The following LRP1B variants were observed in gnomAD, a reference collection of about 807,000 sequenced individuals.
LRP1B encodes low-density lipoprotein receptor-related protein 1B.
A neutral mutation model predicts 556.6 loss-of-function variants in LRP1B; 217 were observed. That is an observed-to-expected ratio of 0.39 (90% confidence interval 0.35 to 0.44). The LOEUF (loss-of-function observed/expected upper bound fraction) is 0.44, where lower values mean the gene tolerates loss of function less well. Ranked by LOEUF, LRP1B falls within the 20% of genes least tolerant of loss-of-function variation. The pLI is 1.00. For synonymous variants in LRP1B, 2,047 were observed against 1,865.8 expected (o/e 1.10, Z -2.50); for missense variants, 5,053 against 5,620.8 (o/e 0.90, Z 3.23).
chr2:141,895,048 C>CAAA lies in LRP1B; in HGVS notation c.83-84650_83-84648dup, dbSNP rs369108197. ...TGGCAACAAGAATGAAACTCCATCTCAAAAAAAAAAAAAAAAAAGAAAAGA... is the reference window on the plus strand; with the variant it reads ...TGGCAACAAGAATGAAACTCCATCTCAAAAAAAAAAAAAAAAAAAAAGAAAAGA... On this transcript the variant is annotated intron_variant, in intron 1 of 90. Transcript: ENST00000389484. 3.4e-3 allele frequency among the ~76,000 whole-genome samples: 264 copies of CAAA among 78,476 alleles called. 1 individual carries two copies. The highest frequency in any genetic ancestry group is 0.013 in the African/African-American group (240 of 18,690). 51.5% of individuals were successfully genotyped at this position (78,476 alleles called of 152,430 possible).
chr2:140,820,912 T>TAAAA (rs5834782), intron 31 of LRP1B, among the ~76,000 whole-genome samples: 2 of 143,698 alleles, frequency 1.4e-5, no homozygotes, highest in African/African-American at 5.2e-5. Context: ...GTTGCTTCTT[T>TAAAA]AAAAAAAAAA....
At chr2:140,416,011 C>T (rs974440083) in intron 66 of LRP1B, among the ~76,000 whole-genome samples, 8 of 152,130 alleles carry the variant, frequency 5.3e-5, no homozygotes, top group Non-Finnish European at 1.2e-4. Flanking sequence ...GGTCCCCAAC[C>T]CCTGGGCCAT....
At chr2:141,160,685 ATT>A (rs1679986051) in intron 7 of LRP1B, among the ~76,000 whole-genome samples, 1 of 152,112 alleles carries the variant, frequency 6.6e-6, no homozygotes, top group African/African-American at 2.4e-5. Flanking sequence ...AACTATACTT[ATT>A]AAATACTCTT....
chr2:142,074,382 C>T (rs1252792394), intron 1 of LRP1B, among the ~76,000 whole-genome samples: 1 of 151,986 alleles, frequency 6.6e-6, no homozygotes, highest in African/African-American at 2.4e-5. Flanking sequence ...TCCACTGACC[C>T]CAAGATGATG....
intron 1 of LRP1B, among the ~76,000 whole-genome samples, chr2:142,115,507 T>A (rs1386256869): frequency 9.1e-5 from 8 of 88,130 alleles, no homozygotes; most frequent in Non-Finnish European, 1.8e-4. Context: ...ATAATATATA[T>A]TATATATTAC....
intron 66 of LRP1B, among the ~76,000 whole-genome samples, chr2:140,408,858 G>C (rs1363501167): frequency 6.6e-6 from 1 of 151,824 alleles, no homozygotes; most frequent in Non-Finnish European, 1.5e-5. Context: ...AATGTTTAAG[G>C]AACAGTGTTG....
intron 2 of LRP1B, among the ~76,000 whole-genome samples, chr2:141,663,006 T>A (rs909666160): frequency 1.3e-5 from 2 of 151,434 alleles, no homozygotes; most frequent in Admixed American, 1.3e-4. Flanking sequence ...CACAGTGCAA[T>A]CAAATTAAAA....
At chr2:141,569,572 G>A (rs1347252663) in intron 2 of LRP1B, among the ~76,000 whole-genome samples, 2 of 151,054 alleles carry the variant, frequency 1.3e-5, no homozygotes, top group Admixed American at 1.3e-4. Context: ...ATTATTTGAT[G>A]TAACAATGCC....
At chr2:141,361,342 C>T (rs1688819311) in intron 3 of LRP1B, among the ~76,000 whole-genome samples, 1 of 152,026 alleles carries the variant, frequency 6.6e-6, no homozygotes, top group Non-Finnish European at 1.5e-5. Flanking sequence ...AAACTGATAT[C>T]CATTTCTACT....
At position 141,730,943 on chromosome 2, in the gene LRP1B, G is replaced by A. The variant is rs190047598; in HGVS notation, c.205+79336C>T. 8.5e-5 allele frequency among the ~76,000 whole-genome samples: 13 copies of A among 152,222 alleles called. No individual in the cohort carries two copies. The East Asian group carries it at 2.5e-3, about 30-fold the overall frequency. ...TACTCCTAAAGGGGCCAGTCTTTAC[G>A]TTATCATCTAATAGCCAATCCGGAA... On this transcript the variant is annotated intron_variant, in intron 2 of 90. Transcript: ENST00000389484.
intron 88 of LRP1B, 56 bp from the exon 89 acceptor site, chr2:140,238,352 C>T (rs2104882280): frequency 1.2e-6 from 1 of 851,506 alleles, no homozygotes; most frequent in African/African-American, 1.8e-5. Context: ...ACAATCAAGG[C>T]ATATGAAATT....
intron 43 of LRP1B, among the ~76,000 whole-genome samples, chr2:140,593,774 GA>G (rs1204624144): frequency 6.6e-6 from 1 of 151,836 alleles, no homozygotes; most frequent in Non-Finnish European, 1.5e-5. Flanking sequence ...TTAAACTTCA[GA>G]TTAAAAAAAT....
At chr2:141,676,364 A>G (rs917637020) in intron 2 of LRP1B, among the ~76,000 whole-genome samples, 3 of 152,096 alleles carry the variant, frequency 2.0e-5, no homozygotes, top group African/African-American at 7.2e-5. Flanking sequence ...AAATCCTACA[A>G]TGTCTTGTGG....
At chr2:141,538,171 C>T (rs559519385) in intron 2 of LRP1B, among the ~76,000 whole-genome samples, 38 of 152,180 alleles carry the variant, frequency 2.5e-4, no homozygotes, top group Admixed American at 9.2e-4. Context: ...TCCACACAAC[C>T]GCCATTTGCT....
intron 1 of LRP1B, among the ~76,000 whole-genome samples, chr2:141,919,200 C>A (rs942928828): frequency 1.3e-5 from 2 of 152,092 alleles, no homozygotes; most frequent in Admixed American, 1.3e-4. Context: ...GATACATACA[C>A]ATATACATAT....
chr2:141,464,600 A>ATTTTT (rs1168356384), intron 3 of LRP1B, among the ~76,000 whole-genome samples: 6 of 76,262 alleles, frequency 7.9e-5, no homozygotes, highest in South Asian at 3.5e-4. Context: ...ATATATATAT[A>ATTTTT]TATATATTTT....
chr2:142,011,963 A>C (rs184718081), intron 1 of LRP1B, among the ~76,000 whole-genome samples: 2 of 152,114 alleles, frequency 1.3e-5, no homozygotes, highest in Admixed American at 6.6e-5. Context: ...AATGGAACCC[A>C]AAAAAAGAAT....
At chr2:140,929,501 G>C (rs1694985303) in intron 20 of LRP1B, among the ~76,000 whole-genome samples, 3 of 152,062 alleles carry the variant, frequency 2.0e-5, no homozygotes, top group Non-Finnish European at 4.4e-5. Context: ...TGGTGGGCAA[G>C]GCCTAGATCT....
intron 35 of LRP1B, among the ~76,000 whole-genome samples, chr2:140,726,259 G>T (rs1248121129): frequency 6.6e-6 from 1 of 152,096 alleles, no homozygotes; most frequent in African/African-American, 2.4e-5. Flanking sequence ...GGTCTTCTAT[G>T]GGAGGATATC....
Sources: allele counts gnomAD v4.1 joint callset (sites outside exome capture counted in the v4.1 genomes callset), GRCh38; gene constraint gnomAD v4.1.1; transcripts MANE v1.5; gene names NCBI Gene and HGNC (gene_info 2026-07-23, HGNC 2026-07-21).